The following RPS6KA5 variants were observed in gnomAD, a reference collection of about 807,000 sequenced individuals.
RPS6KA5 encodes ribosomal protein S6 kinase A5.
In RPS6KA5, 27 loss-of-function variants were observed where a neutral mutation model predicts 85.5. That is an observed-to-expected ratio of 0.32 (90% CI 0.23 to 0.44). The LOEUF is 0.44. Ranked by LOEUF, RPS6KA5 falls within the 20% of genes least tolerant of loss-of-function variation. RPS6KA5 has a pLI of 1.00. For missense variants in RPS6KA5, 811 were observed against 980.9 expected (o/e 0.83, Z 2.31); for synonymous variants, 334 against 348.2 (o/e 0.96, Z 0.46).
chr14:90,982,839 C>T (rs1294319775), intron 2 of RPS6KA5, among the ~76,000 whole-genome samples: 2 of 151,600 alleles, frequency 1.3e-5, no homozygotes, highest in Admixed American at 6.6e-5. Flanking sequence ...GTTGGCCAGG[C>T]GCGGTGGTTC....
At chr14:90,896,695 G>C (rs562144386) in intron 12 of RPS6KA5, among the ~76,000 whole-genome samples, 100 of 152,150 alleles carry the variant, frequency 6.6e-4, no homozygotes, top group Admixed American at 6.0e-3. Context: ...CTCCAGAGCA[G>C]TGATCCTCAA....
chr14:90,993,947 G>A (rs2040409870), intron 2 of RPS6KA5, among the ~76,000 whole-genome samples: 1 of 151,046 alleles, frequency 6.6e-6, no homozygotes, highest in East Asian at 1.9e-4. Flanking sequence ...GGAGTGTAGT[G>A]ATGTGATCAT....
intron 13 of RPS6KA5, chr14:90,893,984 AATT>A: frequency 2.3e-6 from 2 of 856,536 alleles, no homozygotes; most frequent in African/African-American, 3.7e-5. Flanking sequence ...TTTAGAATAG[AATT>A]ATATACATTT....
chr14:90,918,780 G>C (rs1199385465), intron 7 of RPS6KA5, among the ~76,000 whole-genome samples: 1 of 152,182 alleles, frequency 6.6e-6, no homozygotes. Context: ...TATCTTTACA[G>C]AAGTGACTTT....
At chr14:90,983,787 T>TTCTCTCTCTCTCTC (rs770148887) in intron 2 of RPS6KA5, among the ~76,000 whole-genome samples, 48 of 129,406 alleles carry the variant, frequency 3.7e-4, no homozygotes, top group Non-Finnish European at 6.3e-4. Context: ...CTTTCTTTCT[T>TTCTCTCTCTCTCTC]TCTCTCTCTC....
chr14:90,932,964 T>C (rs1301389360), intron 5 of RPS6KA5, among the ~76,000 whole-genome samples: 1 of 152,148 alleles, frequency 6.6e-6, no homozygotes, highest in Non-Finnish European at 1.5e-5. Context: ...CCTCACTTCA[T>C]CCTCTGCTAT....
intron 3 of RPS6KA5, among the ~76,000 whole-genome samples, chr14:90,969,156 T>C: frequency 6.6e-6 from 1 of 152,170 alleles, no homozygotes; most frequent in South Asian, 2.1e-4. Flanking sequence ...CTTAAAACAG[T>C]AAATTAATTC....
chr14:90,953,634 G>A (rs1566786980), intron 3 of RPS6KA5, among the ~76,000 whole-genome samples: 1 of 152,160 alleles, frequency 6.6e-6, no homozygotes, highest in Non-Finnish European at 1.5e-5. Context: ...TTCCTAGCAA[G>A]GAATATTAGT....
At chr14:90,988,757 G>A (rs1312888377) in intron 2 of RPS6KA5, among the ~76,000 whole-genome samples, 2 of 152,172 alleles carry the variant, frequency 1.3e-5, no homozygotes, top group African/African-American at 4.8e-5. Flanking sequence ...AGGTTGCAGT[G>A]AGCTGAGATC....
At chr14:90,983,057 G>T (rs191193003) in intron 2 of RPS6KA5, among the ~76,000 whole-genome samples, 124 of 151,690 alleles carry the variant, frequency 8.2e-4, no homozygotes, top group African/African-American at 2.9e-3. Flanking sequence ...AGCTTGCAGT[G>T]AGCCAAGATC....
At chr14:91,021,929 G>A (rs1429853077) in intron 1 of RPS6KA5, among the ~76,000 whole-genome samples, 2 of 152,114 alleles carry the variant, frequency 1.3e-5, no homozygotes, top group Admixed American at 1.3e-4. Context: ...ACCAAGATCT[G>A]GGCATCAGGT....
intron 3 of RPS6KA5, among the ~76,000 whole-genome samples, chr14:90,958,766 T>G (rs1208064161): frequency 2.0e-5 from 3 of 151,914 alleles, no homozygotes; most frequent in African/African-American, 4.8e-5. Flanking sequence ...CCAGTGAGGA[T>G]CCTAGTGAAG....
intron 5 of RPS6KA5, among the ~76,000 whole-genome samples, chr14:90,927,937 C>CTTT (rs386382140): frequency 1.5e-5 from 2 of 136,496 alleles, no homozygotes; most frequent in African/African-American, 5.4e-5. Context: ...CTTTTCTTTT[C>CTTT]TTTTTTTTTT....
At chr14:90,973,714 T>C (rs575367576) in intron 3 of RPS6KA5, among the ~76,000 whole-genome samples, 73 of 152,232 alleles carry the variant, frequency 4.8e-4, no homozygotes, top group African/African-American at 1.7e-3. Context: ...ATATGTTATG[T>C]TACATTACAA....
At chr14:90,894,677 T>C in intron 12 of RPS6KA5, 94 bp from the exon 13 acceptor site, 1 of 1,355,338 alleles carries the variant, frequency 7.4e-7, no homozygotes, top group South Asian at 1.5e-5. Context: ...CACCAATACG[T>C]TTAAATAATC....
intron 1 of RPS6KA5, among the ~76,000 whole-genome samples, chr14:91,011,895 G>T (rs79628941): frequency 0.018 from 2,744 of 151,890 alleles, 63 homozygotes; most frequent in African/African-American, 0.064. Context: ...TTTTATTTCA[G>T]AAAAAAAGGA....
intron 1 of RPS6KA5, among the ~76,000 whole-genome samples, chr14:91,032,030 C>T (rs748166209): frequency 6.6e-6 from 1 of 152,024 alleles, no homozygotes; most frequent in Non-Finnish European, 1.5e-5. Context: ...TCTTTGCGGG[C>T]GACATTATAG....
chr14:91,046,271 A>T (rs2042867061), intron 1 of RPS6KA5, among the ~76,000 whole-genome samples: 4 of 152,136 alleles, frequency 2.6e-5, no homozygotes, highest in Admixed American at 2.0e-4. Context: ...AATTCAATAA[A>T]CCCTTATGGG....
Position 90,947,535 on chromosome 14 carries a change from C to T in RPS6KA5, c.410G>A (p.Gly137Asp), listed in dbSNP as rs1204376586. Residue 137 changes from glycine (G) to aspartate (D), a missense_variant, in exon 4 of 17, where the codon GGT (glycine) becomes GAT (aspartate). Gly to Asp is a moderately conservative substitution (Grantham distance 94). Coordinates refer to ENST00000614987, the MANE Select transcript of RPS6KA5 (RefSeq NM_004755.4). ...TTGAGAAAGATGAGTAAAAAGTTCA[C>T]CACCATTTATATAATCTAAAAATGA... ...LHLILDYING[G>D]ELFTHLSQRE... 6.3e-7 allele frequency: 1 copy of T among 1,585,722 alleles called. No individual in the cohort carries two copies. Among genetic ancestry groups the T allele is most frequent in the Non-Finnish European group, 8.7e-7 (1 of 1,155,020 alleles).
Sources: allele counts gnomAD v4.1 joint callset (sites outside exome capture counted in the v4.1 genomes callset), GRCh38; gene constraint gnomAD v4.1.1; transcripts MANE v1.5; gene names NCBI Gene and HGNC (gene_info 2026-07-23, HGNC 2026-07-21).